Variants in PHLDB2 observed in about 807,000 individuals in gnomAD.
PHLDB2 encodes the protein pleckstrin homology like domain family B member 2, also known as pleckstrin homology-like domain family B member 2.
Under a neutral mutation model 123.6 loss-of-function variants are expected in PHLDB2, and 71 were observed. The observed-to-expected ratio is 0.57, with a 90% CI of 0.47 to 0.70. The LOEUF is 0.70. Among genes scored for constraint, PHLDB2 ranks in the 30% least tolerant of loss-of-function variants. PHLDB2 has a pLI of 0.00. For missense variants in PHLDB2, 1,446 were observed against 1,519.5 expected (o/e 0.95, Z 0.80); for synonymous variants, 547 against 541.6 (o/e 1.01, Z -0.14).
chr3:111,780,234 C>T (rs780667053), intron 1 of PHLDB2, among the ~76,000 whole-genome samples: 1 of 143,088 alleles, frequency 7.0e-6, no homozygotes, highest in Middle Eastern at 3.5e-3. Context: ...GATTTGCTAA[C>T]GCAGGAGTGG....
At chr3:111,856,259 G>C (rs1438325376), upstream of PHLDB2, among the ~76,000 whole-genome samples, 3 of 152,098 alleles carry the variant, frequency 2.0e-5, no homozygotes, top group Non-Finnish European at 2.9e-5. Context: ...TAGTAATTTG[G>C]AATTATTCAT....
At chr3:111,744,078 A>G (rs2059645515) in intron 1 of PHLDB2, among the ~76,000 whole-genome samples, 1 of 152,208 alleles carries the variant, frequency 6.6e-6, no homozygotes, top group South Asian at 2.1e-4. Flanking sequence ...CTGTTCCTAA[A>G]GAGTACTTAT....
rs149248075 is a variant in PHLDB2, at chr3:111,899,643, C to CTTAAAG, written c.1336-13672_1336-13667dup. 3.8e-3 allele frequency among the ~76,000 whole-genome samples: 583 copies of CTTAAAG among 152,312 alleles called. 6 individuals carry two copies. Among genetic ancestry groups the CTTAAAG allele is most frequent in the African/African-American group, 0.013 (547 of 41,568 alleles). ...AATGGTCAATGAGCATTGGTTTCAA[C>CTTAAAG]TTAAAGTTAGCAGCTGACTTTAGCT... On this transcript the variant is annotated intron_variant, in intron 2 of 17. Transcript: ENST00000431670.
At chr3:111,931,490 T>G (rs960142769) in intron 5 of PHLDB2, among the ~76,000 whole-genome samples, 1 of 152,218 alleles carries the variant, frequency 6.6e-6, no homozygotes, top group Non-Finnish European at 1.5e-5. Flanking sequence ...TTCCTTCTCC[T>G]TTCTTCTCTG....
chr3:111,747,568 G>A (rs2059700234), intron 1 of PHLDB2, among the ~76,000 whole-genome samples: 1 of 152,082 alleles, frequency 6.6e-6, no homozygotes, highest in African/African-American at 2.4e-5. Flanking sequence ...CCATAAAGTT[G>A]GCCCAGCTTC....
chr3:111,831,025 G>GAA (rs1559855337), intron 1 of PHLDB2, among the ~76,000 whole-genome samples: 1 of 95,926 alleles, frequency 1.0e-5, no homozygotes, highest in Admixed American at 9.7e-5. Context: ...AAGAAAGAAA[G>GAA]AAAGAAAGGA....
intron 1 of PHLDB2, among the ~76,000 whole-genome samples, chr3:111,736,835 C>A (rs1407752431): frequency 2.0e-5 from 3 of 152,258 alleles, no homozygotes; most frequent in Non-Finnish European, 2.9e-5. Context: ...GGCAAAAAAT[C>A]TTTCAAGCCC....
intron 1 of PHLDB2, among the ~76,000 whole-genome samples, chr3:111,737,018 C>T (rs529848835): frequency 6.6e-6 from 1 of 152,326 alleles, no homozygotes; most frequent in Non-Finnish European, 1.5e-5. Flanking sequence ...AGATGGATGT[C>T]TCATGAGTCA....
At chr3:111,827,556 T>C (rs2062721317) in intron 1 of PHLDB2, among the ~76,000 whole-genome samples, 2 of 151,902 alleles carry the variant, frequency 1.3e-5, no homozygotes, top group Non-Finnish European at 2.9e-5. Flanking sequence ...GCGCCTGTAG[T>C]CCCAGCTACT....
chr3:111,796,770 C>T (rs962461224), intron 1 of PHLDB2, among the ~76,000 whole-genome samples: 8 of 152,096 alleles, frequency 5.3e-5, no homozygotes, highest in Admixed American at 1.3e-4. Flanking sequence ...GCCTTGACCC[C>T]GCAAAGGGCT....
chr3:111,741,019 G>A (rs916964867), intron 1 of PHLDB2, among the ~76,000 whole-genome samples: 3 of 152,084 alleles, frequency 2.0e-5, no homozygotes, highest in African/African-American at 7.2e-5. Flanking sequence ...TAGTCCTAAT[G>A]CTAACCACCA....
intron 1 of PHLDB2, among the ~76,000 whole-genome samples, chr3:111,806,121 A>G (rs560072188): frequency 2.6e-5 from 4 of 152,340 alleles, no homozygotes; most frequent in Non-Finnish European, 5.9e-5. Flanking sequence ...GAATCATTAT[A>G]GCAGTCATCT....
At chr3:111,803,263 T>A (rs559093325) in intron 1 of PHLDB2, among the ~76,000 whole-genome samples, 15 of 152,290 alleles carry the variant, frequency 9.8e-5, no homozygotes, top group Admixed American at 5.9e-4. Flanking sequence ...TTCTTCAAAT[T>A]TCTGATGGGG....
At chr3:111,951,279 C>CA (rs2070700726) in intron 10 of PHLDB2, among the ~76,000 whole-genome samples, 2 of 152,196 alleles carry the variant, frequency 1.3e-5, no homozygotes, top group African/African-American at 4.8e-5. Flanking sequence ...CACCTCTCTG[C>CA]CCCCTAGATT....
chr3:111,850,317 G>A (rs573156868), intron 2 of PHLDB2, among the ~76,000 whole-genome samples: 1 of 152,096 alleles, frequency 6.6e-6, no homozygotes, highest in African/African-American at 2.4e-5. Context: ...GGGGGGCAGG[G>A]CTAGGGATAA....
chr3:111,913,819 C>A, intron 3 of PHLDB2, 117 bp downstream of exon 3: 1 of 1,348,528 alleles, frequency 7.4e-7, no homozygotes, highest in African/African-American at 1.5e-5. Context: ...AGTGAAATTT[C>A]AATTTAAGAG....
At chr3:111,825,934 T>G (rs182364563) in intron 1 of PHLDB2, among the ~76,000 whole-genome samples, 12 of 152,302 alleles carry the variant, frequency 7.9e-5, no homozygotes, top group Non-Finnish European at 1.5e-5. Context: ...AAGTTTCATT[T>G]AAGAAAGTTT....
chr3:111,917,864 C>T (rs2068268435), intron 3 of PHLDB2, among the ~76,000 whole-genome samples: 1 of 152,068 alleles, frequency 6.6e-6, no homozygotes, highest in African/African-American at 2.4e-5. Flanking sequence ...AAAATATACT[C>T]AACTTAATGG....
intron 1 of PHLDB2, among the ~76,000 whole-genome samples, chr3:111,789,113 G>T (rs2060808856): frequency 1.3e-5 from 2 of 152,164 alleles, no homozygotes; most frequent in African/African-American, 4.8e-5. Context: ...GTCACTGCAG[G>T]TATTTTTATC....
Sources: allele counts gnomAD v4.1 joint callset (sites outside exome capture counted in the v4.1 genomes callset), GRCh38; gene constraint gnomAD v4.1.1; transcripts MANE v1.5; gene names NCBI Gene and HGNC (gene_info 2026-07-23, HGNC 2026-07-21).